PRKAR1A: variants seen among roughly 807,000 people sequenced by gnomAD.
PRKAR1A encodes protein kinase cAMP-dependent type I regulatory subunit alpha, also known as cAMP-dependent protein kinase type I-alpha regulatory subunit.
Under a neutral mutation model 52.0 loss-of-function variants are expected in PRKAR1A, and 3 were observed. The observed-to-expected ratio is 0.06, with a 90% confidence interval of 0.03 to 0.15. The LOEUF (loss-of-function observed/expected upper bound fraction) is 0.15, where lower values mean the gene tolerates loss of function less well. PRKAR1A is among the 10% of genes least tolerant of loss of function. The probability of loss-of-function intolerance (pLI) is 1.00; values close to 1 mark genes in which losing one functional copy is unlikely to be tolerated. For missense variants in PRKAR1A, 240 were observed against 477.4 expected (o/e 0.50, Z 4.63); for synonymous variants, 188 against 168.4 (o/e 1.12, Z -0.90).
the PRKAR1A span, among the ~76,000 whole-genome samples, chr17:68,497,683 C>A: frequency 6.6e-6 from 1 of 152,124 alleles, no homozygotes; most frequent in South Asian, 2.1e-4. Flanking sequence ...TTATGATTCT[C>A]ATTTTACAGA....
chr17:68,510,078 G>C (rs2085242700), upstream of PRKAR1A, among the ~76,000 whole-genome samples: 1 of 151,646 alleles, frequency 6.6e-6, no homozygotes, highest in Non-Finnish European at 1.5e-5. Flanking sequence ...AGCTCTGCAG[G>C]AAGAGGGAGA....
At chr17:68,426,501 T>C in the PRKAR1A span, among the ~76,000 whole-genome samples, 1 of 152,130 alleles carries the variant, frequency 6.6e-6, no homozygotes, top group Admixed American at 6.6e-5. Context: ...ACTTCCTGAG[T>C]GGCTAGGACT....
chr17:68,537,400 G>A (rs1400982598), downstream of PRKAR1A: 1 of 1,587,406 alleles, frequency 6.3e-7, no homozygotes, highest in African/African-American at 1.3e-5. This position sits in a 1 kb window ranked among gnomAD's most constrained non-coding sequence, Gnocchi z 4.2. Context: ...ACAGGTGGGA[G>A]TGAGGACGCA....
intron 1 of PRKAR1A, among the ~76,000 whole-genome samples, chr17:68,513,455 AGT>A (rs1008927303): frequency 4.0e-4 from 61 of 152,272 alleles, no homozygotes; most frequent in African/African-American, 1.3e-3. Flanking sequence ...AGTTTCTCAA[AGT>A]GTTTTTATTT....
the PRKAR1A span, chr17:68,441,098 GACC>G: frequency 2.0e-5 from 3 of 152,190 alleles, no homozygotes; most frequent in Non-Finnish European, 2.9e-5. Context: ...TCAGCTCTGT[GACC>G]ACCTCCTCCA....
chr17:68,529,203 T>A lies in PRKAR1A; in HGVS notation c.891+212T>A, dbSNP rs144595850. Among the ~76,000 whole-genome samples the A allele has an allele frequency of 2.0e-5, 3 of 152,316 alleles. No individual in the cohort carries two copies. The East Asian group carries it at 5.8e-4, about 29-fold the overall frequency. On this transcript the variant is annotated intron_variant, in intron 9 of 10. Coordinates refer to ENST00000589228, the MANE Select transcript of PRKAR1A (RefSeq NM_002734.5). ...TCTGCCAGGTCACTATATTTTTAAA[T>A]GAGTTTGAGTCAGAATTCTTGAAGG...
At chr17:68,430,126 TG>T in the PRKAR1A span, 12 of 1,614,044 alleles carry the variant, frequency 7.4e-6, no homozygotes, top group Non-Finnish European at 1.0e-5. Flanking sequence ...ATCTTTCCCA[TG>T]TAGCCACTCC....
the PRKAR1A span, among the ~76,000 whole-genome samples, chr17:68,501,066 T>A: frequency 1.3e-5 from 2 of 152,028 alleles, no homozygotes; most frequent in Non-Finnish European, 2.9e-5. Flanking sequence ...TCAATGCACA[T>A]AAGTCCATGT....
chr17:68,540,932 T>TCACA, intron 11 of PRKAR1A: 1 of 1,597,888 alleles, frequency 6.3e-7, no homozygotes, highest in African/African-American at 1.3e-5. Flanking sequence ...TTTCACTGTG[T>TCACA]CACAGTAAAG....
At position 68,530,055 on chromosome 17, in the gene PRKAR1A, G is replaced by A. The variant is rs189400955; in HGVS notation, c.973+54G>A. ...CATGGTTTCTTTAAGTCACCTCTCA[G>A]TGAGATATTGTAGTCTTCCATAATT... is the stretch of plus-strand genomic sequence containing the variant. On this transcript the variant is annotated intron_variant, in intron 10 of 10. Transcript: ENST00000589228. 4,408 of 1,567,356 alleles carry A rather than the reference G, an allele frequency of 2.8e-3. 9 individuals carry two copies. Among genetic ancestry groups the A allele is most frequent in the Non-Finnish European group, 3.6e-3 (4,054 of 1,138,028 alleles).
At chr17:68,542,397 T>C (rs750288659) in intron 11 of PRKAR1A, among the ~76,000 whole-genome samples, 3 of 152,212 alleles carry the variant, frequency 2.0e-5, no homozygotes, top group African/African-American at 4.8e-5. Flanking sequence ...ATTCTATCCT[T>C]ATGAGTAGAA....
chr17:68,450,963 T>C, the PRKAR1A span: 1 of 1,553,812 alleles, frequency 6.4e-7, no homozygotes, highest in Non-Finnish European at 8.7e-7. Context: ...CCAGCCTCCA[T>C]GACACTGGGC....
chr17:68,424,527 C>T, the PRKAR1A span: 1 of 533,324 alleles, frequency 1.9e-6, no homozygotes, highest in East Asian at 5.5e-5. Flanking sequence ...TGTTTCAGTG[C>T]CCAAGTGGCA....
chr17:68,422,294 G>T, the PRKAR1A span: 3 of 162,906 alleles, frequency 1.8e-5, no homozygotes, highest in Non-Finnish European at 4.1e-5. Context: ...GGGCATGGTG[G>T]CGCTCACCTG....
At chr17:68,426,254 G>GGGGGGGGGGGGGGGGGGGGT in the PRKAR1A span, 3 of 816,924 alleles carry the variant, frequency 3.7e-6, 1 homozygote, top group Non-Finnish European at 5.8e-6. Context: ...GGGAGCGGGG[G>GGGGGGGGGGGGGGGGGGGGT]CTCAAATAAA....
chr17:68,427,599 C>T, the PRKAR1A span: 390 of 179,602 alleles, frequency 2.2e-3, 2 homozygotes, highest in African/African-American at 8.9e-3. Context: ...TCAGGTGATC[C>T]GCCCGCCAAC....
chr17:68,426,242 T>TGGC, the PRKAR1A span: 2,059 of 681,892 alleles, frequency 3.0e-3, 51 homozygotes, highest in Admixed American at 6.8e-3. Context: ...ACCTGGCGGG[T>TGGC]GGGGAGCGGG....
rs115723562 is a variant in PRKAR1A, at chr17:68,529,522, T to C, written c.892-398T>C. On this transcript the variant is annotated intron_variant, in intron 9 of 10. Coordinates refer to ENST00000589228, the MANE Select transcript of PRKAR1A (RefSeq NM_002734.5). ...CAGGAGACTGTAAAGGGCCAGGTGGTAAGTAAGTTAAGCTTTGTGGACCAT... is the reference window on the plus strand; with the variant it reads ...CAGGAGACTGTAAAGGGCCAGGTGGCAAGTAAGTTAAGCTTTGTGGACCAT... Among the ~76,000 whole-genome samples the C allele has an allele frequency of 3.3e-3, 506 of 152,334 alleles. 6 individuals are homozygous for C. The highest frequency in any genetic ancestry group is 0.012 in the African/African-American group (492 of 41,570).
In PRKAR1A at chr17:68,525,801, C is replaced by T; in HGVS notation, c.597C>T (p.Ser199=). 6.2e-7 allele frequency: 1 copy of T among 1,613,702 alleles called. No homozygotes were observed. The highest frequency in any genetic ancestry group is 8.5e-7 in the Non-Finnish European group (1 of 1,179,886). The change falls in exon 7 of 11, where the codon AGC becomes AGT. Residue 199 remains serine (S), a synonymous_variant. Transcript: ENST00000589228. Reference sequence around the variant, plus strand: ...CAACCAGTGTTGGGGAAGGAGGGAGCTTTGGAGAACTTGCTTTGATTTATG... The same window carrying T: ...CAACCAGTGTTGGGGAAGGAGGGAGTTTTGGAGAACTTGCTTTGATTTATG... The part of the protein sequence containing the change: ...EWATSVGEGG[S]FGELALIYGT...
Sources: gnomAD v4.1 joint callset for allele counts (sites outside exome capture counted in the v4.1 genomes callset) on GRCh38, gnomAD v4.1.1 for gene constraint, Gnocchi (gnomAD v3.1) non-coding constraint, MANE v1.5 for transcripts, NCBI Gene and HGNC (gene_info 2026-07-23, HGNC 2026-07-21) for gene names.